Variants in NFKBIZ observed in about 807,000 individuals in gnomAD.
NFKBIZ encodes the protein NFKB inhibitor zeta, also known as NF-kappa-B inhibitor zeta.
Under a neutral mutation model 76.8 loss-of-function variants are expected in NFKBIZ, and 19 were observed. That is an observed-to-expected ratio of 0.25 (90% confidence interval 0.17 to 0.36). NFKBIZ has a LOEUF of 0.36. Ranked by LOEUF, NFKBIZ falls within the 10% of genes least tolerant of loss-of-function variation. The pLI is 1.00. For missense variants in NFKBIZ, 829 were observed against 910.9 expected, an observed-to-expected ratio of 0.91 and a Z score of 1.16; for synonymous variants, 368 against 354.8, an observed-to-expected ratio of 1.04 and a Z score of -0.42.
intron 11 of NFKBIZ, among the ~76,000 whole-genome samples, 155 bp from the exon 12 acceptor site, chr3:101,859,163 C>G (rs942442650): frequency 1.3e-5 from 2 of 152,118 alleles, no homozygotes; most frequent in Admixed American, 6.5e-5. Context: ...AAAGTCACCT[C>G]AAAATCTTGA....
chr3:101,849,624 G>A lies in NFKBIZ; in HGVS notation c.-5G>A. 1 of 1,353,024 alleles carries A rather than the reference G, an allele frequency of 7.4e-7. No individual in the cohort carries two copies. Among genetic ancestry groups the A allele is most frequent in the East Asian group, 2.9e-5 (1 of 34,192 alleles). 83.8% of individuals were successfully genotyped at this position (1,353,024 alleles called of 1,614,324 possible). On this transcript the variant is annotated 5_prime_UTR_variant, in exon 1 of 12. Transcript: ENST00000326172. ...TCGGGGTCCTCGAGCGCCCAGCCTGGGAGCATGATTGTGGACAAGCTGCTG... is the reference window on the plus strand; with the variant it reads ...TCGGGGTCCTCGAGCGCCCAGCCTGAGAGCATGATTGTGGACAAGCTGCTG...
At chr3:101,858,906 G>T (rs181457975) in intron 11 of NFKBIZ, among the ~76,000 whole-genome samples, 2 of 152,170 alleles carry the variant, frequency 1.3e-5, no homozygotes, top group Admixed American at 1.3e-4. Context: ...ATAAAATGTG[G>T]GTTTTCTGTT....
At chr3:101,838,768 CCTCA>C (rs1942754153) in intron 2 of NFKBIZ, among the ~76,000 whole-genome samples, 1 of 152,168 alleles carries the variant, frequency 6.6e-6, no homozygotes, top group Non-Finnish European at 1.5e-5. Context: ...ATTCAGTTTT[CCTCA>C]CTAATTCCAG....
At chr3:101,858,041 T>C in intron 11 of NFKBIZ, 4 of 860,948 alleles carry the variant, frequency 4.6e-6, no homozygotes. Flanking sequence ...ATATTATCAT[T>C]GAGTATTGAA....
At chr3:101,836,451 T>A (rs1249197013) in intron 2 of NFKBIZ, among the ~76,000 whole-genome samples, 1 of 152,216 alleles carries the variant, frequency 6.6e-6, no homozygotes, top group African/African-American at 2.4e-5. Flanking sequence ...TTATCTTATA[T>A]AGCTTTTTGA....
At chr3:101,845,025 TG>T (rs1413952212), upstream of NFKBIZ, among the ~76,000 whole-genome samples, 2 of 152,048 alleles carry the variant, frequency 1.3e-5, no homozygotes, top group Admixed American at 1.3e-4. Flanking sequence ...CTCAGCACTT[TG>T]GGAGGCTGAG....
rs1342804016 is a variant in NFKBIZ, at chr3:101,860,020, C to A, written c.*649C>A. 2 of 152,140 alleles carry A rather than the reference C, an allele frequency of 1.3e-5. No homozygotes were observed. The highest frequency in any genetic ancestry group is 2.9e-5 in the Non-Finnish European group (2 of 68,026). 9.4% of individuals were successfully genotyped at this position (152,140 alleles called of 1,614,324 possible). ...TGCTATTTAAAAAAATTTTACAATT[C>A]TTACTAAGGAGTTTTTATTGTGTAA... On this transcript the variant is annotated 3_prime_UTR_variant, in exon 12 of 12. Transcript: ENST00000326172.
At chr3:101,835,484 G>C (rs577509118) in intron 2 of NFKBIZ, among the ~76,000 whole-genome samples, 10 of 152,312 alleles carry the variant, frequency 6.6e-5, no homozygotes, top group African/African-American at 2.2e-4. Context: ...GTTTCTCACT[G>C]TTCTGGGAGA....
rs753478094 is a variant in NFKBIZ, at chr3:101,849,859, C to T, written c.231C>T (p.Ser77=). The T allele has an allele frequency of 1.4e-4, 199 of 1,463,706 alleles. No individual in the cohort carries two copies. Among genetic ancestry groups the T allele is most frequent in the African/African-American group, 5.0e-4 (34 of 67,676 alleles). 90.7% of individuals were successfully genotyped at this position (1,463,706 alleles called of 1,614,324 possible). ...SSDFSSASSV[S]SCGAVESRSR... ...ACTTCTCCTCTGCCTCGTCGGTGTC[C>T]TCCTGCGGCGCCGTGGAGTCCCGGT... Residue 77 remains serine, a synonymous_variant, in exon 1 of 12, where the codon TCC becomes TCT. Transcript: ENST00000326172.
upstream of NFKBIZ, among the ~76,000 whole-genome samples, chr3:101,847,309 A>G (rs1272033201): frequency 1.3e-5 from 2 of 152,270 alleles, no homozygotes; most frequent in Non-Finnish European, 2.9e-5. Flanking sequence ...AATTGCAATT[A>G]CTGAAGTCTT....
intron 2 of NFKBIZ, among the ~76,000 whole-genome samples, chr3:101,830,277 C>T (rs1576803626): frequency 1.3e-5 from 2 of 152,070 alleles, no homozygotes; most frequent in East Asian, 3.9e-4. Flanking sequence ...CTCATTTAGC[C>T]CTACAGCATT....
chr3:101,853,743 A>G lies in NFKBIZ; in HGVS notation c.1217A>G (p.Asn406Ser), dbSNP rs757291561. 6.2e-7 allele frequency: 1 copy of G among 1,614,252 alleles called. No individual in the cohort carries two copies. The highest frequency in any genetic ancestry group is 1.1e-5 in the South Asian group (1 of 91,084). Residue 406 changes from asparagine to serine, a missense_variant, in exon 5 of 12, where the codon AAT (asparagine) becomes AGT (serine). Physicochemically the swap from Asn to Ser is conservative, Grantham distance 46. This residue lies in a region of NFKBIZ where 272 missense variants were observed against 384.2 expected (regional missense o/e 0.71). Coordinates refer to ENST00000326172, the MANE Select transcript of NFKBIZ (RefSeq NM_031419.4). Reference sequence around the variant, plus strand: ...TCACTGCCATTCTCAAACATGGGAAATCCAATGAACACCACACAGTTAGGG... The same window carrying G: ...TCACTGCCATTCTCAAACATGGGAAGTCCAATGAACACCACACAGTTAGGG... Reference protein sequence around the residue: ...NTSLPFSNMGNPMNTTQLGKS... With the variant: ...NTSLPFSNMGSPMNTTQLGKS...
rs1205294043 is a variant in NFKBIZ at position 101,854,963 on chromosome 3, T to G, written c.1444-99T>G. 2.9e-5 allele frequency: 37 copies of G among 1,292,174 alleles called. No homozygotes were observed. The South Asian group carries it at 5.6e-4, about 20-fold the overall frequency. The allele number at this position is 1,292,174 out of a possible 1,614,324, so 80.0% of individuals were successfully genotyped here. ...TTGCTTATTCAAAGGATTTATTTTC[T>G]CTCTGTGGGTTTTTCCCTCAGTCAT... On this transcript the variant is annotated intron_variant, in intron 6 of 11. Transcript: ENST00000326172.
chr3:101,854,267 A>G (rs565058652), intron 5 of NFKBIZ, among the ~76,000 whole-genome samples: 22 of 152,284 alleles, frequency 1.4e-4, no homozygotes, highest in Non-Finnish European at 2.9e-5. Flanking sequence ...CTTAGGTCTC[A>G]GTTCCTTGAC....
In NFKBIZ at chr3:101,860,930, A is replaced by G. The variant is rs1320987829; in HGVS notation, c.*1559A>G. On this transcript the variant is annotated 3_prime_UTR_variant, in exon 12 of 12. Coordinates refer to ENST00000326172, the MANE Select transcript of NFKBIZ (RefSeq NM_031419.4). ...AGTATGTCTTGTAGACACGTTAGTT[A>G]TAATCACCTTGTATCTCTAAATATG... 6.6e-6 allele frequency: 1 copy of G among 152,064 alleles called. No individual in the cohort carries two copies. Among genetic ancestry groups the G allele is most frequent in the Non-Finnish European group, 1.5e-5 (1 of 68,020 alleles). The allele number at this position is 152,064 out of a possible 1,614,324, so 9.4% of individuals were successfully genotyped here. A position where few individuals can be genotyped will look rare whatever the true frequency, so the allele number is the denominator to read the frequency against.
rs746611652 is a variant in NFKBIZ at position 101,853,831 on chromosome 3, C to T, written c.1305C>T (p.Asp435=). 10 of 1,613,160 alleles carry T rather than the reference C, an allele frequency of 6.2e-6. No individual in the cohort carries two copies. In the Admixed American group the frequency reaches 1.0e-4, roughly 16 times the overall value. The part of the protein sequence containing the change: ...EESKLANISQ[D]QFLSKDADGD... ...GCAAATTGGCAAATATTTCCCAAGA[C>T]CAGTTTCTTTCAAAGGATGCAGATG... is the stretch of plus-strand genomic sequence containing the variant. Residue 435 remains aspartate (D), a synonymous_variant, in exon 5 of 12, where the codon GAC becomes GAT. Transcript: ENST00000326172.
chr3:101,844,154 AT>A (rs772879587), intron 2 of NFKBIZ, among the ~76,000 whole-genome samples: 30 of 152,366 alleles, frequency 2.0e-4, no homozygotes, highest in Non-Finnish European at 3.5e-4. Context: ...CTCAAACAGT[AT>A]TTGATTAGAA....
In NFKBIZ at chr3:101,859,508, T is replaced by C; in HGVS notation, c.*137T>C. 1 of 545,366 alleles carries C rather than the reference T, an allele frequency of 1.8e-6. No individual in the cohort carries two copies. The highest frequency in any genetic ancestry group is 2.8e-5 in the South Asian group (1 of 35,478). 33.8% of individuals were successfully genotyped at this position (545,366 alleles called of 1,614,324 possible). ...AACAAACATATTTAGTTCACTATTA[T>C]ATAGTGGGTTATATTAAAAGAAAAG... On this transcript the variant is annotated 3_prime_UTR_variant, in exon 12 of 12. Coordinates refer to ENST00000326172, the MANE Select transcript of NFKBIZ (RefSeq NM_031419.4).
intron 2 of NFKBIZ, among the ~76,000 whole-genome samples, chr3:101,832,029 C>T (rs888474773): frequency 1.3e-5 from 2 of 152,188 alleles, no homozygotes; most frequent in Admixed American, 6.5e-5. Context: ...CTGCCTTAGC[C>T]TCATCAGTAG....
Sources: gnomAD v4.1 joint callset for allele counts (sites outside exome capture counted in the v4.1 genomes callset) on GRCh38, gnomAD v4.1.1 for gene constraint, gnomAD v4.1.1 regional missense constraint, MANE v1.5 for transcripts, NCBI Gene and HGNC (gene_info 2026-07-23, HGNC 2026-07-21) for gene names.